The following ZNF827 variants were observed in gnomAD, a reference collection of about 807,000 sequenced individuals.
The protein encoded by ZNF827 is zinc finger protein 827.
In ZNF827, 13 loss-of-function variants were observed where a neutral mutation model predicts 102.4. The ratio of observed to expected loss-of-function variants is 0.13; its 90% CI spans 0.08 to 0.20. The LOEUF is 0.20. Ranked by LOEUF, ZNF827 falls within the 10% of genes least tolerant of loss-of-function variation. The pLI is 1.00. For missense variants in ZNF827, 1,103 were observed against 1,344.4 expected (o/e 0.82, Z 2.81); for synonymous variants, 523 against 536.2 (o/e 0.98, Z 0.34).
At chr4:145,777,259 T>A (rs976711159) in intron 9 of ZNF827, among the ~76,000 whole-genome samples, 6 of 152,226 alleles carry the variant, frequency 3.9e-5, no homozygotes, top group Non-Finnish European at 8.8e-5. Flanking sequence ...TTTGTATGAA[T>A]AAGTGAGGTT....
rs780612752 is a variant in ZNF827 at position 145,761,335 on chromosome 4, C to T, written c.*281G>A. 3 of 1,289,990 alleles carry T rather than the reference C, an allele frequency of 2.3e-6. 1 individual carries two copies. In the South Asian group the frequency reaches 3.7e-5, roughly 16 times the overall value. The allele number at this position is 1,289,990 out of a possible 1,614,324, so 79.9% of individuals were successfully genotyped here. ...ATTGTCCTTGCGCTTGCAGCTGTAG[C>T]TGCACTGGTCACAGTGGAAGGGCCG... On this transcript the variant is annotated 3_prime_UTR_variant, in exon 15 of 15. Transcript: ENST00000508784. The surrounding 1 kb of genome is among the most constrained non-coding windows in gnomAD (Gnocchi z 6.8).
intron 7 of ZNF827, among the ~76,000 whole-genome samples, chr4:145,833,770 C>T (rs533465169): frequency 6.8e-4 from 103 of 151,962 alleles, no homozygotes; most frequent in South Asian, 3.1e-3. Flanking sequence ...TTTCTGCACC[C>T]CAACCTCTTT....
intron 5 of ZNF827, among the ~76,000 whole-genome samples, chr4:145,849,915 G>A (rs1254430895): frequency 6.6e-6 from 1 of 152,212 alleles, no homozygotes; most frequent in Non-Finnish European, 1.5e-5. Context: ...AGAACTGAGA[G>A]AGGACACGGT....
At chr4:145,859,870 C>T (rs1420966662) in intron 5 of ZNF827, among the ~76,000 whole-genome samples, 1 of 152,152 alleles carries the variant, frequency 6.6e-6, no homozygotes, top group Non-Finnish European at 1.5e-5. Context: ...CAGGCAGGAA[C>T]AGCTTTCTAG....
intron 3 of ZNF827, among the ~76,000 whole-genome samples, chr4:145,891,976 G>T (rs1272314393): frequency 1.3e-5 from 2 of 152,232 alleles, no homozygotes; most frequent in African/African-American, 4.8e-5. Context: ...CAGGCAGGCT[G>T]TTGCTCCCCT....
At chr4:145,785,275 T>G (rs1189377632) in intron 8 of ZNF827, among the ~76,000 whole-genome samples, 1 of 152,188 alleles carries the variant, frequency 6.6e-6, no homozygotes, top group Non-Finnish European at 1.5e-5. Context: ...GAGCAAACTA[T>G]GCTTCTTATA....
At chr4:145,776,096 AG>A in intron 9 of ZNF827, 136 bp from the exon 10 acceptor site, 1 of 947,900 alleles carries the variant, frequency 1.1e-6, no homozygotes, top group Non-Finnish European at 1.6e-6. Flanking sequence ...GGTAATGCCT[AG>A]GAATTGTAAG....
chr4:145,923,150 T>A (rs1753194144), intron 1 of ZNF827, among the ~76,000 whole-genome samples: 1 of 152,250 alleles, frequency 6.6e-6, no homozygotes, highest in Admixed American at 6.5e-5. Context: ...ATGAAAAGTT[T>A]ATTGAAATGT....
intron 8 of ZNF827, among the ~76,000 whole-genome samples, chr4:145,807,713 G>A (rs1263115741): frequency 4.7e-5 from 7 of 148,942 alleles, no homozygotes; most frequent in South Asian, 2.1e-4. Context: ...CTCGTGATTC[G>A]CCCGCCTTGG....
chr4:145,898,298 T>C lies in ZNF827; in HGVS notation c.1093+3868A>G, dbSNP rs79931000. The stretch of plus-strand genomic sequence containing the variant: ...GAAAACAGCAGCCAGAAACCCCCTA[T>C]GTATTGACCCACAGGAAATATTCTT... On this transcript the variant is annotated intron_variant, in intron 2 of 14. Transcript: ENST00000508784. Among the ~76,000 whole-genome samples, 1,174 of 152,320 alleles carry C rather than the reference T, an allele frequency of 7.7e-3. 15 individuals are homozygous for C. The highest frequency in any genetic ancestry group is 0.026 in the African/African-American group (1,077 of 41,558).
intron 5 of ZNF827, among the ~76,000 whole-genome samples, chr4:145,851,271 CAGATAGATAGATAGAT>C (rs10581131): frequency 2.6e-5 from 4 of 151,450 alleles, no homozygotes; most frequent in Admixed American, 6.6e-5. Context: ...TAGGAAACTT[CAGATAGATAGATAGAT>C]AGATAGATAG....
At chr4:145,915,205 T>C (rs1382531216) in intron 1 of ZNF827, among the ~76,000 whole-genome samples, 1 of 152,132 alleles carries the variant, frequency 6.6e-6, no homozygotes, top group African/African-American at 2.4e-5. Flanking sequence ...CTCAGCCCTT[T>C]GGGAGGCTGA....
intron 8 of ZNF827, among the ~76,000 whole-genome samples, chr4:145,780,603 C>G (rs1737823631): frequency 6.6e-6 from 1 of 152,142 alleles, no homozygotes; most frequent in Non-Finnish European, 1.5e-5. Flanking sequence ...ATCCATGTTT[C>G]TTTTTGTGGA....
intron 1 of ZNF827, among the ~76,000 whole-genome samples, chr4:145,904,102 CT>C (rs1335729034): frequency 6.6e-6 from 1 of 152,212 alleles, no homozygotes; most frequent in Non-Finnish European, 1.5e-5. Flanking sequence ...GTTAGGCAGG[CT>C]CCTTGCCATT....
intron 3 of ZNF827, among the ~76,000 whole-genome samples, chr4:145,890,363 C>G (rs1022677664): frequency 1.3e-5 from 2 of 152,180 alleles, no homozygotes; most frequent in African/African-American, 4.8e-5. Flanking sequence ...TGAAAGCATT[C>G]TAAGACCCCA....
chr4:145,762,738 AC>A lies in ZNF827; in HGVS notation c.*17+351del, dbSNP rs1005774151. 1.7e-4 allele frequency among the ~76,000 whole-genome samples: 26 copies of A among 152,304 alleles called. No individual in the cohort carries two copies. Among genetic ancestry groups the A allele is most frequent in the African/African-American group, 6.0e-4 (25 of 41,566 alleles). On this transcript the variant is annotated intron_variant, in intron 14 of 14. Coordinates refer to ENST00000508784, the MANE Select transcript of ZNF827 (RefSeq NM_001306215.2). The surrounding 1 kb of genome is among the most constrained non-coding windows in gnomAD (Gnocchi z 4.9). ...CACGAGGAGTGGTGAGGCCATGTTA[AC>A]AAACTCTGCTGAGCCTCTCTTTTAG... is the stretch of plus-strand genomic sequence containing the variant.
intron 1 of ZNF827, among the ~76,000 whole-genome samples, chr4:145,912,894 C>G (rs1447607196): frequency 1.3e-5 from 2 of 152,166 alleles, no homozygotes; most frequent in African/African-American, 4.8e-5. Flanking sequence ...CCCAAGAAAA[C>G]TAATATAAGT....
At chr4:145,924,124 T>G (rs1470380783) in intron 1 of ZNF827, among the ~76,000 whole-genome samples, 1 of 152,162 alleles carries the variant, frequency 6.6e-6, no homozygotes, top group Non-Finnish European at 1.5e-5. Flanking sequence ...AAGGTAACCA[T>G]TGAATGAAAC....
chr4:145,821,169 CTTG>C (rs1436139740), intron 8 of ZNF827, among the ~76,000 whole-genome samples: 1 of 152,136 alleles, frequency 6.6e-6, no homozygotes, highest in Non-Finnish European at 1.5e-5. Flanking sequence ...AATTTCACCC[CTTG>C]TTGTAATAAA....
Sources: gnomAD v4.1 joint callset for allele counts (sites outside exome capture counted in the v4.1 genomes callset) on GRCh38, gnomAD v4.1.1 for gene constraint, Gnocchi (gnomAD v3.1) non-coding constraint, MANE v1.5 for transcripts, NCBI Gene and HGNC (gene_info 2026-07-23, HGNC 2026-07-21) for gene names.